Variants in SHLD1 observed in about 807,000 individuals in gnomAD.
The protein encoded by SHLD1 is shieldin complex subunit 1, also known as RINN1-REV7-interacting novel NHEJ regulator 3.
Under a neutral mutation model 5.5 loss-of-function variants are expected in SHLD1, and 3 were observed. The ratio of observed to expected loss-of-function variants is 0.54; its 90% confidence interval spans 0.25 to 1.40. SHLD1 has a LOEUF of 1.40. Ranked by LOEUF, SHLD1 falls within the 40% of genes most tolerant of loss-of-function variation. The pLI is 0.15. For synonymous variants in SHLD1, 92 were observed against 94.3 expected, an observed-to-expected ratio of 0.98 and a Z score of 0.14; for missense variants, 210 against 244.4, an observed-to-expected ratio of 0.86 and a Z score of 0.94.
At chr20:5,779,556 C>G (rs757600286) in intron 2 of SHLD1, among the ~76,000 whole-genome samples, 1 of 152,188 alleles carries the variant, frequency 6.6e-6, no homozygotes, top group Non-Finnish European at 1.5e-5. Context: ...TTACACTAAT[C>G]TCTACTGGGC....
At chr20:5,844,731 A>G (rs2087906079) in intron 2 of SHLD1, among the ~76,000 whole-genome samples, 1 of 146,850 alleles carries the variant, frequency 6.8e-6, no homozygotes, top group South Asian at 2.1e-4. Flanking sequence ...GTTTGTCTGG[A>G]GTTTCCTTTT....
chr20:5,772,583 C>G (rs930073566), intron 1 of SHLD1, among the ~76,000 whole-genome samples: 5 of 152,138 alleles, frequency 3.3e-5, no homozygotes, highest in African/African-American at 1.2e-4. Context: ...GGGGGGACTA[C>G]TGTAAATCAT....
chr20:5,763,727 A>G (rs1205018750), intron 1 of SHLD1, among the ~76,000 whole-genome samples: 9 of 152,122 alleles, frequency 5.9e-5, no homozygotes, highest in Admixed American at 5.9e-4. Context: ...TCTTCTGGAC[A>G]TGTCCTTAAA....
chr20:5,754,568 T>A (rs1380151521), intron 1 of SHLD1, among the ~76,000 whole-genome samples: 1 of 152,138 alleles, frequency 6.6e-6, no homozygotes, highest in African/African-American at 2.4e-5. Context: ...CAAATATGAG[T>A]GACCATGGCC....
intron 2 of SHLD1, among the ~76,000 whole-genome samples, chr20:5,830,755 A>G (rs1350715753): frequency 6.6e-6 from 1 of 151,644 alleles, no homozygotes; most frequent in African/African-American, 2.4e-5. Flanking sequence ...TAATAGTTGA[A>G]AGGAGGCAAA....
intron 2 of SHLD1, among the ~76,000 whole-genome samples, chr20:5,802,659 A>G (rs571438498): frequency 5.1e-4 from 74 of 145,176 alleles, no homozygotes; most frequent in African/African-American, 1.9e-3. Context: ...TTTTCTTTTC[A>G]TTTTTTTGAC....
At position 5,855,949 on chromosome 20, in the gene SHLD1, T is replaced by C. The variant is rs531080420; in HGVS notation, c.179-7075T>C. On this transcript the variant is annotated intron_variant, in intron 2 of 2. Coordinates refer to ENST00000303142, the MANE Select transcript of SHLD1 (RefSeq NM_152504.4). The surrounding 1 kb of genome is among the most constrained non-coding windows in gnomAD (Gnocchi z 4.4). The stretch of plus-strand genomic sequence containing the variant: ...CCAGTCACTGCTGATTTCCCCATAC[T>C]CTTTTTCCTCTGCTATAGTCACTAG... Among the ~76,000 whole-genome samples, 1 of 152,324 alleles carries C rather than the reference T, an allele frequency of 6.6e-6. No homozygotes were observed. The highest frequency in any genetic ancestry group is 2.1e-4 in the South Asian group (1 of 4,822).
At chr20:5,831,383 C>G (rs1314785523) in intron 2 of SHLD1, among the ~76,000 whole-genome samples, 3 of 152,206 alleles carry the variant, frequency 2.0e-5, no homozygotes, top group Non-Finnish European at 4.4e-5. Context: ...CTGTAATTTA[C>G]AGCCATCATC....
chr20:5,841,170 AGTGTGTGT>A lies in SHLD1; in HGVS notation c.179-21828_179-21821del, dbSNP rs11469039. On this transcript the variant is annotated intron_variant, in intron 2 of 2. Coordinates refer to ENST00000303142, the MANE Select transcript of SHLD1 (RefSeq NM_152504.4). ...CATCCATAACTTACTGAAAATAGCGAGTGTGTGTGTGTGTGTGTGTGTGTGTGTGTGTG... is the reference window on the plus strand; with the variant it reads ...CATCCATAACTTACTGAAAATAGCGAGTGTGTGTGTGTGTGTGTGTGTGTG... Among the ~76,000 whole-genome samples the A allele has an allele frequency of 8.6e-3, 1,260 of 146,396 alleles. 21 individuals carry two copies. The highest frequency in any genetic ancestry group is 0.029 in the African/African-American group (1,194 of 40,512).
intron 1 of SHLD1, among the ~76,000 whole-genome samples, chr20:5,756,220 G>A (rs955327855): frequency 6.6e-6 from 1 of 151,904 alleles, no homozygotes; most frequent in African/African-American, 2.4e-5. Context: ...GTAGGCCAAG[G>A]TGGGAGGATT....
At chr20:5,839,478 TAGATAGAA>T (rs911532764) in intron 2 of SHLD1, among the ~76,000 whole-genome samples, 4 of 117,504 alleles carry the variant, frequency 3.4e-5, no homozygotes, top group African/African-American at 1.0e-4. Context: ...ATGGATAAAT[TAGATAGAA>T]AGATAGATAG....
At chr20:5,830,362 T>G (rs2087713625) in intron 2 of SHLD1, among the ~76,000 whole-genome samples, 1 of 151,944 alleles carries the variant, frequency 6.6e-6, no homozygotes. Flanking sequence ...TACTGCATGA[T>G]TCCATTTATA....
At chr20:5,842,904 C>T (rs1374051524) in intron 2 of SHLD1, among the ~76,000 whole-genome samples, 2 of 152,112 alleles carry the variant, frequency 1.3e-5, no homozygotes, top group African/African-American at 4.8e-5. Context: ...TTGTTCCTAA[C>T]TCAAACTTTC....
At chr20:5,826,115 A>G (rs1394853472) in intron 2 of SHLD1, among the ~76,000 whole-genome samples, 1 of 152,216 alleles carries the variant, frequency 6.6e-6, no homozygotes. Flanking sequence ...ATACGACTGC[A>G]GGTTATTTTT....
intron 1 of SHLD1, among the ~76,000 whole-genome samples, chr20:5,764,698 A>G (rs909934938): frequency 1.3e-5 from 2 of 152,092 alleles, no homozygotes; most frequent in African/African-American, 4.8e-5. Flanking sequence ...TTATTAAGAT[A>G]TAAATGGAAA....
chr20:5,834,008 GTGGTAT>G (rs1390731313), intron 2 of SHLD1, among the ~76,000 whole-genome samples: 1 of 152,192 alleles, frequency 6.6e-6, no homozygotes, highest in Non-Finnish European at 1.5e-5. Context: ...GAAACTTCAA[GTGGTAT>G]TTACATTTGA....
At chr20:5,752,750 G>A (rs1376161079) in intron 1 of SHLD1, among the ~76,000 whole-genome samples, 1 of 151,580 alleles carries the variant, frequency 6.6e-6, no homozygotes, top group Non-Finnish European at 1.5e-5. Context: ...GGAGCAGCTG[G>A]GATTACAGGT....
intron 2 of SHLD1, among the ~76,000 whole-genome samples, chr20:5,783,303 C>T (rs1203677748): frequency 3.9e-5 from 6 of 152,156 alleles, no homozygotes; most frequent in Admixed American, 2.0e-4. Context: ...CGGCTCACTG[C>T]GACCTCCGCC....
chr20:5,779,926 T>C (rs1484294812), intron 2 of SHLD1, among the ~76,000 whole-genome samples: 1 of 151,872 alleles, frequency 6.6e-6, no homozygotes, highest in East Asian at 1.9e-4. Context: ...AGAGCCAAGC[T>C]TTGGTCATTA....
Sources: allele counts gnomAD v4.1 joint callset (sites outside exome capture counted in the v4.1 genomes callset), GRCh38; gene constraint gnomAD v4.1.1; non-coding constraint Gnocchi (gnomAD v3.1); transcripts MANE v1.5; gene names NCBI Gene and HGNC (gene_info 2026-07-23, HGNC 2026-07-21).